The following NMT2 variants were observed in gnomAD, a reference collection of about 807,000 sequenced individuals.
NMT2 encodes glycylpeptide N-tetradecanoyltransferase 2.
Under a neutral mutation model 65.4 loss-of-function variants are expected in NMT2, and 35 were observed. The observed-to-expected ratio is 0.54, with a 90% confidence interval of 0.41 to 0.71. The LOEUF is 0.71. NMT2 is among the 30% of genes least tolerant of loss of function. The probability of loss-of-function intolerance (pLI) is 0.00; values close to 1 mark genes in which losing one functional copy is unlikely to be tolerated. For synonymous variants in NMT2, 226 were observed against 231.8 expected (o/e 0.98, Z 0.23); for missense variants, 489 against 611.3 (o/e 0.80, Z 2.11).
At chr10:15,135,253 G>A in intron 3 of NMT2, 21 bp downstream of exon 3, 1 of 1,613,000 alleles carries the variant, frequency 6.2e-7, no homozygotes, top group South Asian at 1.1e-5. Flanking sequence ...GGGAAAAAAA[G>A]AGAAAAGCAG....
Position 15,106,084 on chromosome 10 carries a change from C to T in NMT2, c.*3111G>A. On this transcript the variant is annotated 3_prime_UTR_variant, in exon 12 of 12. Coordinates refer to ENST00000378165, the MANE Select transcript of NMT2 (RefSeq NM_004808.3). ...ATCCCGGCTCACTGCAACCCCGCCT[C>T]CTGGGTTCAAGCGATTCTCCTGCCT... is the stretch of plus-strand genomic sequence containing the variant. 1 of 336,118 alleles carries T rather than the reference C, an allele frequency of 3.0e-6. No homozygotes were observed. Among genetic ancestry groups the T allele is most frequent in the Non-Finnish European group, 5.8e-6 (1 of 171,028 alleles). The allele number at this position is 336,118 out of a possible 1,614,324, so 20.8% of individuals were successfully genotyped here.
intron 1 of NMT2, among the ~76,000 whole-genome samples, chr10:15,167,967 G>C (rs562400023): frequency 6.6e-6 from 1 of 152,258 alleles, no homozygotes; most frequent in Non-Finnish European, 1.5e-5. Flanking sequence ...TGCGCAGTTC[G>C]CCGCCTGCGG....
At position 15,106,493 on chromosome 10, in the gene NMT2, T is replaced by C. The variant is rs1845306903; in HGVS notation, c.*2702A>G. ...CCTTTCTCCTGTTAAGAAAGAACGCTAATGCAATTAGGGTGGAACCATCTG... is the reference window on the plus strand; with the variant it reads ...CCTTTCTCCTGTTAAGAAAGAACGCCAATGCAATTAGGGTGGAACCATCTG... On this transcript the variant is annotated 3_prime_UTR_variant, in exon 12 of 12. Coordinates refer to ENST00000378165, the MANE Select transcript of NMT2 (RefSeq NM_004808.3). 4.5e-6 allele frequency: 1 copy of C among 220,288 alleles called. No homozygotes were observed. The highest frequency in any genetic ancestry group is 7.7e-6 in the Non-Finnish European group (1 of 130,280). The allele number at this position is 220,288 out of a possible 1,614,324, so 13.6% of individuals were successfully genotyped here.
intron 8 of NMT2, among the ~76,000 whole-genome samples, 198 bp from the exon 9 acceptor site, chr10:15,119,711 AC>A (rs1452849110): frequency 6.6e-6 from 1 of 152,208 alleles, no homozygotes. Flanking sequence ...GTTTGTACAT[AC>A]ATTAAGGTTT....
At chr10:15,123,017 T>C (rs1845973293) in intron 8 of NMT2, among the ~76,000 whole-genome samples, 1 of 152,106 alleles carries the variant, frequency 6.6e-6, no homozygotes, top group South Asian at 2.1e-4. Context: ...ACTGCTATCT[T>C]AGGTCTCTAA....
intron 6 of NMT2, among the ~76,000 whole-genome samples, chr10:15,130,743 GA>G (rs1216354180): frequency 2.0e-5 from 2 of 98,724 alleles, no homozygotes; most frequent in African/African-American, 7.3e-5. Flanking sequence ...GAAAGAAAAA[GA>G]AAAAAAAGAA....
chr10:15,111,384 AC>A (rs1845509163), intron 10 of NMT2, among the ~76,000 whole-genome samples: 2 of 151,568 alleles, frequency 1.3e-5, no homozygotes, highest in South Asian at 4.2e-4. Flanking sequence ...GGTGGCACAC[AC>A]CTATAGTCCC....
chr10:15,150,305 T>C (rs970105115), intron 1 of NMT2, among the ~76,000 whole-genome samples: 3 of 152,230 alleles, frequency 2.0e-5, no homozygotes, highest in African/African-American at 7.2e-5. Context: ...TCAAATTCGA[T>C]AATGGATTTC....
chr10:15,114,302 ACTT>A (rs1363488977), intron 9 of NMT2, among the ~76,000 whole-genome samples: 1 of 152,162 alleles, frequency 6.6e-6, no homozygotes, highest in East Asian at 1.9e-4. Flanking sequence ...TCAGAAAACT[ACTT>A]CTTCACATTC....
In NMT2 at chr10:15,135,366, A is replaced by G; in HGVS notation, c.299T>C (p.Leu100Pro). 1 of 1,614,180 alleles carries G rather than the reference A, an allele frequency of 6.2e-7. No individual in the cohort carries two copies. The highest frequency in any genetic ancestry group is 8.5e-7 in the Non-Finnish European group (1 of 1,180,006). The change falls in exon 3 of 12, where the codon CTG (leucine) becomes CCG (proline). Residue 100 changes from leucine to proline, a missense_variant. Coordinates refer to ENST00000378165, the MANE Select transcript of NMT2 (RefSeq NM_004808.3). The stretch of plus-strand genomic sequence containing the variant: ...GGCTGGGCCCTGGCATGCGGATAGC[A>G]GCTCCATTGCTCTCTGGATATCCTG... ...KLQDIQRAME[L>P]LSACQGPARN... is the part of the protein sequence containing the mutation.
At chr10:15,112,725 T>G (rs926557331) in intron 10 of NMT2, 71 bp downstream of exon 10, 2 of 1,410,364 alleles carry the variant, frequency 1.4e-6, no homozygotes, top group Non-Finnish European at 9.5e-7. Context: ...GAAAACACAG[T>G]AAGATGTCTT....
rs1846348252 is a variant in NMT2, at chr10:15,133,246, A to G, written c.509T>C (p.Val170Ala). 3 of 1,612,738 alleles carry G rather than the reference A, an allele frequency of 1.9e-6. No homozygotes were observed. Among genetic ancestry groups the G allele is most frequent in the Non-Finnish European group, 2.5e-6 (3 of 1,178,818 alleles). The stretch of plus-strand genomic sequence containing the variant: ...TTTAAGAGGTTTTTACTCACTCACC[A>G]CTTCGGCATCACTCAAGTCTAAAGT... ...WDTLDLSDAE[V>A]LKELYTLLNE... Residue 170 changes from valine to alanine, a missense_variant and splice_region_variant, in exon 4 of 12, where the codon GTG (valine) becomes GCG (alanine). By Grantham distance (64) the Val-to-Ala change is moderately conservative. Coordinates refer to ENST00000378165, the MANE Select transcript of NMT2 (RefSeq NM_004808.3).
intron 2 of NMT2, among the ~76,000 whole-genome samples, chr10:15,140,527 T>A (rs566097134): frequency 4.9e-4 from 74 of 152,178 alleles, no homozygotes; most frequent in South Asian, 1.0e-3. Flanking sequence ...TTTCTTTTTT[T>A]ATTTTTTTCA....
chr10:15,141,394 A>T, intron 2 of NMT2, 28 bp downstream of exon 2: 1 of 1,613,042 alleles, frequency 6.2e-7, no homozygotes. Flanking sequence ...GAAACCACAC[A>T]GAGGAAAAAA....
At position 15,106,123 on chromosome 10, in the gene NMT2, A is replaced by C. The variant is rs1225397623; in HGVS notation, c.*3072T>G. ...ATTCTCCTGCCTCAGCCTCCTGAAT[A>C]GCTGGGATTACAGGTGCACACCCCC... On this transcript the variant is annotated 3_prime_UTR_variant, in exon 12 of 12. Coordinates refer to ENST00000378165, the MANE Select transcript of NMT2 (RefSeq NM_004808.3). 3.5e-6 allele frequency: 1 copy of C among 287,850 alleles called. No individual in the cohort carries two copies. The allele number at this position is 287,850 out of a possible 1,614,324, so 17.8% of individuals were successfully genotyped here. A position where few individuals can be genotyped will look rare whatever the true frequency, so the allele number is the denominator to read the frequency against.
At chr10:15,124,198 T>A (rs192068544) in intron 8 of NMT2, among the ~76,000 whole-genome samples, 8 of 152,186 alleles carry the variant, frequency 5.3e-5, no homozygotes, top group Admixed American at 4.6e-4. Flanking sequence ...AAAATCGAAC[T>A]TGGAAATACT....
Position 15,108,850 on chromosome 10 carries a change from C to T in NMT2, c.*345G>A. ...CCACACAATAGCAAAGATTTTCTTA[C>T]ATGACTCTGTAACTTCTACTTAGTC... On this transcript the variant is annotated 3_prime_UTR_variant, in exon 12 of 12. Transcript: ENST00000378165. 1 of 1,071,190 alleles carries T rather than the reference C, an allele frequency of 9.3e-7. No homozygotes were observed. 66.4% of individuals were successfully genotyped at this position (1,071,190 alleles called of 1,614,324 possible).
intron 2 of NMT2, chr10:15,139,871 A>C: frequency 1.9e-5 from 1 of 52,738 alleles, no homozygotes; most frequent in South Asian, 5.4e-4. Flanking sequence ...TACTATATAT[A>C]TATATATATA....
chr10:15,112,208 ATATATATATTTTTTTTTTTTTTTTTTTT>A (rs1430177590), intron 10 of NMT2, among the ~76,000 whole-genome samples: 8 of 18,406 alleles, frequency 4.3e-4, no homozygotes, highest in African/African-American at 1.3e-3. Flanking sequence ...ATATATATAT[ATATATATATTTTTTTTTTTTTTTTTTTT>A]TTTTTTTTTT....
Sources: gnomAD v4.1 joint callset for allele counts (sites outside exome capture counted in the v4.1 genomes callset) on GRCh38, gnomAD v4.1.1 for gene constraint, MANE v1.5 for transcripts, NCBI Gene and HGNC (gene_info 2026-07-23, HGNC 2026-07-21) for gene names.